The following MYSM1 variants were observed in gnomAD, a reference collection of about 807,000 sequenced individuals.
MYSM1 encodes deubiquitinase MYSM1.
MYSM1 carries 51 observed loss-of-function variants against 116.0 expected under a neutral mutation model. The ratio of observed to expected loss-of-function variants is 0.44; its 90% CI spans 0.35 to 0.56. The LOEUF is 0.56. Ranked by LOEUF, MYSM1 falls within the 20% of genes least tolerant of loss-of-function variation. The pLI, the probability that MYSM1 is intolerant of heterozygous loss-of-function variation, is 0.00. For missense variants in MYSM1, 900 were observed against 974.9 expected (o/e 0.92, Z 1.02); for synonymous variants, 313 against 315.2 (o/e 0.99, Z 0.07).
intron 12 of MYSM1, among the ~76,000 whole-genome samples, chr1:58,669,971 A>G (rs1374990862): frequency 6.6e-6 from 1 of 152,146 alleles, no homozygotes; most frequent in East Asian, 1.9e-4. Flanking sequence ...TGAGAACTAT[A>G]TTAAGAACAA....
chr1:58,688,251 A>G (rs1644856979), intron 6 of MYSM1, among the ~76,000 whole-genome samples: 1 of 151,936 alleles, frequency 6.6e-6, no homozygotes, highest in Non-Finnish European at 1.5e-5. Context: ...TATTCTCATC[A>G]TCTGTAGAAA....
At chr1:58,669,060 C>T in intron 12 of MYSM1, 22 bp from the exon 13 acceptor site, 2 of 1,526,662 alleles carry the variant, frequency 1.3e-6, no homozygotes, top group South Asian at 1.2e-5. Context: ...AAAAAATTTT[C>T]AATACAATCT....
rs1228009424 is a variant in MYSM1 at position 58,655,495 on chromosome 1, C to CAAAAAT, written c.*4501_*4502insATTTTT. The stretch of plus-strand genomic sequence containing the variant: ...TTATTTTTTCCTGATTTAGTGGAGG[C>CAAAAAT]AACTATTTATTCCCTCCCTTGTTCC... On this transcript the variant is annotated 3_prime_UTR_variant, in exon 20 of 20. Transcript: ENST00000472487. 1 of 151,988 alleles carries CAAAAAT rather than the reference C, an allele frequency of 6.6e-6. No homozygotes were observed. Among genetic ancestry groups the CAAAAAT allele is most frequent in the Non-Finnish European group, 1.5e-5 (1 of 67,980 alleles). 9.4% of individuals were successfully genotyped at this position (151,988 alleles called of 1,614,324 possible). A position where few individuals can be genotyped will look rare whatever the true frequency, so the allele number is the denominator to read the frequency against.
chr1:58,682,789 G>A (rs139447257), intron 7 of MYSM1, among the ~76,000 whole-genome samples: 2,435 of 151,062 alleles, frequency 0.016, 66 homozygotes, highest in African/African-American at 0.057. Flanking sequence ...TCCAGCTCCC[G>A]GGTTCATGCC....
chr1:58,690,099 A>C (rs1644882290), intron 5 of MYSM1, 127 bp downstream of exon 5: 1 of 728,238 alleles, frequency 1.4e-6, no homozygotes, highest in South Asian at 2.2e-5. Flanking sequence ...TTATTAAAAA[A>C]ACTGTTTTTA....
chr1:58,664,900 T>C (rs1331629324), intron 17 of MYSM1, among the ~76,000 whole-genome samples: 1 of 152,192 alleles, frequency 6.6e-6, no homozygotes, highest in African/African-American at 2.4e-5. Context: ...ATTATTTGCT[T>C]TCTAGCCACA....
Position 58,659,289 on chromosome 1 carries a change from A to T in MYSM1, c.*708T>A, listed in dbSNP as rs1644360275. On this transcript the variant is annotated 3_prime_UTR_variant, in exon 20 of 20. Coordinates refer to ENST00000472487, the MANE Select transcript of MYSM1 (RefSeq NM_001085487.3). ...AGGTTTTATCACACCTACTAATGTA[A>T]GTGGACTCACAATTGAAGCTAATTA... is the stretch of plus-strand genomic sequence containing the variant. 1 of 152,208 alleles carries T rather than the reference A, an allele frequency of 6.6e-6. No individual in the cohort carries two copies. Among genetic ancestry groups the T allele is most frequent in the South Asian group, 2.1e-4 (1 of 4,836 alleles). The allele number at this position is 152,208 out of a possible 1,614,324, so 9.4% of individuals were successfully genotyped here.
chr1:58,685,093 T>C, intron 7 of MYSM1, 60 bp downstream of exon 7: 3 of 1,362,786 alleles, frequency 2.2e-6, no homozygotes, highest in South Asian at 2.8e-5. Flanking sequence ...AAAGAAATAC[T>C]TCTGCTTAGT....
At chr1:58,691,761 GGAGGCT>G (rs1344059136) in intron 3 of MYSM1, among the ~76,000 whole-genome samples, 1 of 152,082 alleles carries the variant, frequency 6.6e-6, no homozygotes, top group East Asian at 1.9e-4. Flanking sequence ...CAGCTACTCA[GGAGGCT>G]GAGGCAGGAG....
intron 8 of MYSM1, among the ~76,000 whole-genome samples, chr1:58,677,379 G>C (rs1017146616): frequency 1.3e-5 from 2 of 152,158 alleles, no homozygotes; most frequent in Non-Finnish European, 2.9e-5. Context: ...TAAATACAAA[G>C]AGCAGTTTGA....
At chr1:58,686,950 C>T (rs139596352) in intron 6 of MYSM1, among the ~76,000 whole-genome samples, 10 of 142,580 alleles carry the variant, frequency 7.0e-5, no homozygotes, top group African/African-American at 1.6e-4. Context: ...GGCAGCATAA[C>T]GAGACCTTGT....
At position 58,673,696 on chromosome 1, in the gene MYSM1, G is replaced by A. The variant is rs748745825; in HGVS notation, c.1495-46C>T. 1.0e-5 allele frequency: 15 copies of A among 1,483,536 alleles called. No homozygotes were observed. In the African/African-American group the frequency reaches 1.8e-4, roughly 18 times the overall value. 91.9% of individuals were successfully genotyped at this position (1,483,536 alleles called of 1,614,324 possible). On this transcript the variant is annotated intron_variant, in intron 10 of 19. Coordinates refer to ENST00000472487, the MANE Select transcript of MYSM1 (RefSeq NM_001085487.3). ...AGCAAAAGGTAGCAAGATTAATATGGAGAAATCATAGCACATTAATACACA... is the reference window on the plus strand; with the variant it reads ...AGCAAAAGGTAGCAAGATTAATATGAAGAAATCATAGCACATTAATACACA...
chr1:58,676,453 C>A, intron 9 of MYSM1, among the ~76,000 whole-genome samples: 1 of 149,916 alleles, frequency 6.7e-6, no homozygotes. Context: ...TATGTATATT[C>A]ATTAACTTTA....
intron 16 of MYSM1, among the ~76,000 whole-genome samples, chr1:58,665,979 C>T (rs1358907968): frequency 6.6e-6 from 1 of 152,086 alleles, no homozygotes; most frequent in Non-Finnish European, 1.5e-5. Flanking sequence ...ATCCCTTAAA[C>T]CTGGGAGACA....
chr1:58,698,466 C>G (rs368313976), intron 1 of MYSM1, among the ~76,000 whole-genome samples: 3 of 151,898 alleles, frequency 2.0e-5, no homozygotes, highest in Non-Finnish European at 4.4e-5. Context: ...TCATCAGGAA[C>G]CAATAACCTT....
chr1:58,686,369 C>A (rs1360963414), intron 6 of MYSM1, among the ~76,000 whole-genome samples: 1 of 152,166 alleles, frequency 6.6e-6, no homozygotes, highest in Admixed American at 6.5e-5. Context: ...ATAAGATATT[C>A]TCTACTTCCT....
intron 8 of MYSM1, among the ~76,000 whole-genome samples, chr1:58,680,949 G>A (rs887951852): frequency 3.3e-5 from 5 of 151,870 alleles, no homozygotes; most frequent in Non-Finnish European, 7.4e-5. Flanking sequence ...AGCATCCTGA[G>A]TAGCTGGGAT....
At position 58,689,101 on chromosome 1, in the gene MYSM1, T is replaced by G; in HGVS notation, c.336A>C (p.Thr112=). Reference sequence around the variant, plus strand: ...ACTTTACTGAGTAACTGGCTGGTTTTGTAGGAGAGTGTACCCTGAGGGGAA... The same window carrying G: ...ACTTTACTGAGTAACTGGCTGGTTTGGTAGGAGAGTGTACCCTGAGGGGAA... The part of the protein sequence containing the change: ...KTAKIMVHSP[T]KPASYSVKWT... Residue 112 remains threonine, a synonymous_variant, in exon 6 of 20, where the codon ACA becomes ACC. Transcript: ENST00000472487. 6.2e-7 allele frequency: 1 copy of G among 1,611,054 alleles called. No homozygotes were observed. The highest frequency in any genetic ancestry group is 8.5e-7 in the Non-Finnish European group (1 of 1,179,422).
At chr1:58,686,655 T>C (rs753209160) in intron 6 of MYSM1, among the ~76,000 whole-genome samples, 3 of 152,234 alleles carry the variant, frequency 2.0e-5, no homozygotes, top group African/African-American at 4.8e-5. Flanking sequence ...AAGATTGCTC[T>C]TAACACCTAG....
Sources: gnomAD v4.1 joint callset for allele counts (sites outside exome capture counted in the v4.1 genomes callset) on GRCh38, gnomAD v4.1.1 for gene constraint, MANE v1.5 for transcripts, NCBI Gene and HGNC (gene_info 2026-07-23, HGNC 2026-07-21) for gene names.